Variants in LIFR observed in about 807,000 individuals in gnomAD.
The protein encoded by LIFR is LIF receptor subunit alpha, also known as leukemia inhibitory factor receptor.
LIFR carries 84 observed loss-of-function variants against 122.2 expected under a neutral mutation model. The ratio of observed to expected loss-of-function variants is 0.69; its 90% CI spans 0.58 to 0.82. The LOEUF is 0.82. Among genes scored for constraint, LIFR ranks in the 40% least tolerant of loss-of-function variants. LIFR has a pLI of 0.00. For missense variants in LIFR, 1,294 were observed against 1,311.6 expected, an observed-to-expected ratio of 0.99 and a Z score of 0.21; for synonymous variants, 422 against 434.7, an observed-to-expected ratio of 0.97 and a Z score of 0.36.
chr5:38,607,067 T>C (rs867042473), intron 1 of LIFR, among the ~76,000 whole-genome samples: 14 of 152,372 alleles, frequency 9.2e-5, no homozygotes, highest in Middle Eastern at 3.4e-3. Context: ...AAAAATCATC[T>C]GTTCATTTGT....
At chr5:38,585,031 A>G (rs1749701831) in intron 1 of LIFR, among the ~76,000 whole-genome samples, 1 of 152,238 alleles carries the variant, frequency 6.6e-6, no homozygotes, top group Non-Finnish European at 1.5e-5. Flanking sequence ...AATGCTTTCC[A>G]AAGAAATATT....
At chr5:38,506,412 C>A in intron 8 of LIFR, 91 bp downstream of exon 8, 2 of 1,454,672 alleles carry the variant, frequency 1.4e-6, no homozygotes, top group Admixed American at 1.7e-5. Flanking sequence ...TTGTTTGTAA[C>A]ATAAATGATC....
chr5:38,483,793 A>G (rs1462158651), intron 18 of LIFR, among the ~76,000 whole-genome samples: 1 of 152,240 alleles, frequency 6.6e-6, no homozygotes. Context: ...AGACTATTCT[A>G]TAGTTCTACA....
chr5:38,527,078 A>C (rs1396100970), intron 4 of LIFR, 77 bp downstream of exon 4: 14 of 1,352,594 alleles, frequency 1.0e-5, no homozygotes, highest in Non-Finnish European at 1.3e-5. Flanking sequence ...ATGAAATTCA[A>C]AAAACTAGAA....
chr5:38,478,409 G>T lies in LIFR; in HGVS notation c.*3186C>A, dbSNP rs1384538659. 1 of 210,294 alleles carries T rather than the reference G, an allele frequency of 4.8e-6. No homozygotes were observed. The highest frequency in any genetic ancestry group is 9.7e-6 in the Non-Finnish European group (1 of 103,258). 13.0% of individuals were successfully genotyped at this position (210,294 alleles called of 1,614,324 possible). ...TCTGTTTCTAAGCTGCAGGAACAAA[G>T]CACCTCTATCATATAAGCACATAAA... is the stretch of plus-strand genomic sequence containing the variant. On this transcript the variant is annotated 3_prime_UTR_variant, in exon 20 of 20. Coordinates refer to ENST00000453190, the MANE Select transcript of LIFR (RefSeq NM_001127671.2).
At chr5:38,528,658 G>A in intron 3 of LIFR, 68 bp downstream of exon 3, 1 of 913,444 alleles carries the variant, frequency 1.1e-6, no homozygotes, top group South Asian at 1.4e-5. Context: ...CAAGCAATAA[G>A]GTAAGAACTG....
At chr5:38,485,741 G>A in intron 17 of LIFR, 78 bp downstream of exon 17, 1 of 1,516,500 alleles carries the variant, frequency 6.6e-7, no homozygotes, top group Non-Finnish European at 9.2e-7. Flanking sequence ...GCGGGGAGGG[G>A]TTCCTACATA....
Position 38,537,960 on chromosome 5 carries a change from C to T in LIFR, c.-19-7294G>A, listed in dbSNP as rs566887744. On this transcript the variant is annotated intron_variant, in intron 1 of 19. Coordinates refer to ENST00000453190, the MANE Select transcript of LIFR (RefSeq NM_001127671.2). ...ACTAGATCAGATTTCTCTATTTTGT[C>T]CTTTGTGGTTTCTAACCATAAAGGT... 4.6e-5 allele frequency among the ~76,000 whole-genome samples: 7 copies of T among 152,216 alleles called. 2 individuals are homozygous for T. Among genetic ancestry groups the T allele is most frequent in the African/African-American group, 1.7e-4 (7 of 41,534 alleles).
intron 19 of LIFR, 52 bp downstream of exon 19, chr5:38,482,537 T>TA: frequency 7.1e-6 from 7 of 985,452 alleles, no homozygotes; most frequent in African/African-American, 1.6e-5. Context: ...CACAAAAGAT[T>TA]AAAAAAAGAA....
At position 38,496,362 on chromosome 5, in the gene LIFR, A is replaced by G. The variant is rs1269226933; in HGVS notation, c.1885+20T>C. The G allele has an allele frequency of 5.1e-6, 8 of 1,564,328 alleles. No individual in the cohort carries two copies. The highest frequency in any genetic ancestry group is 7.1e-6 in the Non-Finnish European group (8 of 1,134,688). On this transcript the variant is annotated intron_variant, in intron 13 of 19. Transcript: ENST00000453190. ...CTTTAGTTTCCCGTTCTTATATACT[A>G]AATCATCTCAAGCACTCACCATTTG...
chr5:38,490,057 T>G (rs1197918725), intron 15 of LIFR, 133 bp downstream of exon 15: 2 of 463,192 alleles, frequency 4.3e-6, no homozygotes, highest in Non-Finnish European at 7.8e-6. Context: ...TCAAATACTT[T>G]TTAATTTATC....
intron 5 of LIFR, among the ~76,000 whole-genome samples, chr5:38,521,788 G>A (rs1038930394): frequency 6.6e-6 from 1 of 152,156 alleles, no homozygotes; most frequent in Non-Finnish European, 1.5e-5. Context: ...AGGCCCGCAG[G>A]TAGCATGTGC....
In LIFR at chr5:38,477,155, A is replaced by C. The variant is rs1743763553; in HGVS notation, c.*4440T>G. The C allele has an allele frequency of 4.5e-6, 1 of 220,914 alleles. No individual in the cohort carries two copies. The highest frequency in any genetic ancestry group is 5.8e-5 in the Admixed American group (1 of 17,382). The allele number at this position is 220,914 out of a possible 1,614,324, so 13.7% of individuals were successfully genotyped here. On this transcript the variant is annotated 3_prime_UTR_variant, in exon 20 of 20. Coordinates refer to ENST00000453190, the MANE Select transcript of LIFR (RefSeq NM_001127671.2). ...CGACCATGTAATAATTAATAGCACT[A>C]ATTGAAAAGGAATAAAAAAATCTAA...
At chr5:38,571,253 A>C (rs968902124) in intron 1 of LIFR, among the ~76,000 whole-genome samples, 3 of 152,196 alleles carry the variant, frequency 2.0e-5, no homozygotes, top group African/African-American at 7.2e-5. Context: ...GAAACGAACA[A>C]ATAGTATGCA....
chr5:38,543,642 C>T (rs1477522438), intron 1 of LIFR, among the ~76,000 whole-genome samples: 1 of 152,142 alleles, frequency 6.6e-6, no homozygotes, highest in Non-Finnish European at 1.5e-5. Flanking sequence ...TCACTAAATG[C>T]ACTTATAATT....
intron 5 of LIFR, among the ~76,000 whole-genome samples, chr5:38,514,345 C>G (rs1235016979): frequency 6.6e-6 from 1 of 152,166 alleles, no homozygotes; most frequent in Non-Finnish European, 1.5e-5. Flanking sequence ...TTGATCCACA[C>G]TAAGAAACAA....
At chr5:38,510,790 ACTTT>A in intron 6 of LIFR, 72 bp from the exon 7 acceptor site, 1 of 1,315,198 alleles carries the variant, frequency 7.6e-7, no homozygotes, top group Non-Finnish European at 1.1e-6. Context: ...GCATTTTAAG[ACTTT>A]CTTTTCATAA....
At position 38,511,910 on chromosome 5, in the gene LIFR, C is replaced by A; in HGVS notation, c.616G>T (p.Ala206Ser). ...GKDTLHHWSWASDMPLECAIH... is the reference protein window; with the variant it reads ...GKDTLHHWSWSSDMPLECAIH... Reference sequence around the variant, plus strand: ...GCACATTCCAAGGGCATATCTGAGGCCCAACTCCAGTGATGAAGTGTATCT... The same window carrying A: ...GCACATTCCAAGGGCATATCTGAGGACCAACTCCAGTGATGAAGTGTATCT... Residue 206 changes from alanine to serine, a missense_variant, in exon 6 of 20, where the codon GCC becomes TCC. Coordinates refer to ENST00000453190, the MANE Select transcript of LIFR (RefSeq NM_001127671.2). The A allele has an allele frequency of 6.2e-7, 1 of 1,614,114 alleles. No homozygotes were observed. Among genetic ancestry groups the A allele is most frequent in the Non-Finnish European group, 8.5e-7 (1 of 1,179,994 alleles).
At chr5:38,514,715 G>A (rs1745983528) in intron 5 of LIFR, among the ~76,000 whole-genome samples, 1 of 152,124 alleles carries the variant, frequency 6.6e-6, no homozygotes, top group Non-Finnish European at 1.5e-5. Flanking sequence ...ACCAACTATG[G>A]ATCAAAAATA....
Sources: gnomAD v4.1 joint callset for allele counts (sites outside exome capture counted in the v4.1 genomes callset) on GRCh38, gnomAD v4.1.1 for gene constraint, MANE v1.5 for transcripts, NCBI Gene and HGNC (gene_info 2026-07-23, HGNC 2026-07-21) for gene names.